The following FCHO2 variants were observed in gnomAD, a reference collection of about 807,000 sequenced individuals.
The protein encoded by FCHO2 is F-BAR domain only protein 2.
In FCHO2, 43 loss-of-function variants were observed where a neutral mutation model predicts 114.1. The observed-to-expected ratio is 0.38, with a 90% CI of 0.30 to 0.49. FCHO2 has a LOEUF of 0.49. Among genes scored for constraint, FCHO2 ranks in the 20% least tolerant of loss-of-function variants. The pLI, the probability that FCHO2 is intolerant of heterozygous loss-of-function variation, is 0.97. For missense variants in FCHO2, 807 were observed against 950.4 expected, an observed-to-expected ratio of 0.85 and a Z score of 1.98; for synonymous variants, 293 against 315.2, an observed-to-expected ratio of 0.93 and a Z score of 0.75.
intron 1 of FCHO2, among the ~76,000 whole-genome samples, chr5:72,963,577 C>T (rs1054891367): frequency 3.9e-5 from 6 of 151,924 alleles, no homozygotes; most frequent in Non-Finnish European, 8.8e-5. Flanking sequence ...GGGTCTTCCT[C>T]TGTCGCCCAG....
intron 19 of FCHO2, 134 bp from the exon 20 acceptor site, chr5:73,074,608 C>CG (rs1742823340): frequency 1.4e-6 from 1 of 735,484 alleles, no homozygotes; most frequent in Non-Finnish European, 2.2e-6. Context: ...TCTTAGCCCC[C>CG]AGATTTATCA....
At chr5:73,017,164 A>T (rs1224742233) in intron 7 of FCHO2, 48 bp from the exon 8 acceptor site, 1 of 1,090,490 alleles carries the variant, frequency 9.2e-7, no homozygotes, top group South Asian at 1.7e-5. Context: ...TCTGAAATAC[A>T]CTAAGAATGT....
chr5:72,978,249 G>A (rs776827146), intron 2 of FCHO2, among the ~76,000 whole-genome samples: 3 of 152,188 alleles, frequency 2.0e-5, no homozygotes, highest in Non-Finnish European at 4.4e-5. Context: ...AGCATGGAAT[G>A]TTTTTCCATT....
chr5:73,059,637 G>C, intron 17 of FCHO2, among the ~76,000 whole-genome samples: 1 of 152,160 alleles, frequency 6.6e-6, no homozygotes, highest in South Asian at 2.1e-4. Context: ...TGGATTATAA[G>C]AAACCTTAAC....
intron 2 of FCHO2, among the ~76,000 whole-genome samples, chr5:72,984,837 G>C (rs1753418799): frequency 6.6e-6 from 1 of 151,868 alleles, no homozygotes; most frequent in Admixed American, 6.6e-5. Context: ...GGGTTCACCA[G>C]GTTGCCCAGG....
intron 6 of FCHO2, 130 bp from the exon 7 acceptor site, chr5:73,015,496 C>T: frequency 2.0e-6 from 1 of 491,724 alleles, no homozygotes; most frequent in Non-Finnish European, 3.6e-6. Flanking sequence ...CTTCTGACCT[C>T]AAGTGATCCA....
intron 2 of FCHO2, among the ~76,000 whole-genome samples, chr5:72,984,329 T>C (rs566858175): frequency 8.0e-5 from 12 of 150,594 alleles, no homozygotes; most frequent in Non-Finnish European, 4.5e-5. Flanking sequence ...TGAGTGAGAT[T>C]GGCCTGAACA....
At chr5:73,070,801 T>C (rs1742607256) in intron 19 of FCHO2, among the ~76,000 whole-genome samples, 1 of 152,060 alleles carries the variant, frequency 6.6e-6, no homozygotes, top group African/African-American at 2.4e-5. Flanking sequence ...TTGCCATGAT[T>C]TTTCAACGCT....
At chr5:73,051,669 C>T (rs542677995) in intron 12 of FCHO2, among the ~76,000 whole-genome samples, 3 of 151,390 alleles carry the variant, frequency 2.0e-5, no homozygotes, top group South Asian at 2.1e-4. Context: ...CGGGTTTCAG[C>T]GATTCTTCTG....
At chr5:73,086,855 A>G (rs1166941241) in intron 24 of FCHO2, among the ~76,000 whole-genome samples, 2 of 152,070 alleles carry the variant, frequency 1.3e-5, no homozygotes, top group African/African-American at 4.8e-5. Flanking sequence ...TATAGATGCT[A>G]TTTCGTTAAA....
At chr5:72,977,437 T>G (rs1752951124) in intron 2 of FCHO2, among the ~76,000 whole-genome samples, 1 of 152,214 alleles carries the variant, frequency 6.6e-6, no homozygotes, top group Non-Finnish European at 1.5e-5. Context: ...TTGAGAAGTG[T>G]CTGTTCATAT....
At chr5:73,016,912 TTTG>T (rs941554520) in intron 7 of FCHO2, among the ~76,000 whole-genome samples, 7 of 151,944 alleles carry the variant, frequency 4.6e-5, no homozygotes, top group Non-Finnish European at 7.4e-5. Context: ...CAAAAGTATT[TTTG>T]TTGTCTGTAT....
chr5:73,004,106 C>G (rs1471697952), intron 5 of FCHO2, among the ~76,000 whole-genome samples: 2 of 149,394 alleles, frequency 1.3e-5, no homozygotes, highest in Non-Finnish European at 3.0e-5. Context: ...CGTTTGATTG[C>G]TCTTATACTC....
chr5:73,069,217 G>C (rs1742513106), intron 19 of FCHO2, among the ~76,000 whole-genome samples: 3 of 152,096 alleles, frequency 2.0e-5, no homozygotes, highest in African/African-American at 7.2e-5. Flanking sequence ...ATAGCTCTTA[G>C]GGAAGTGGTC....
chr5:73,065,792 A>T (rs1471604089), intron 18 of FCHO2, among the ~76,000 whole-genome samples: 1 of 152,010 alleles, frequency 6.6e-6, no homozygotes, highest in Non-Finnish European at 1.5e-5. Flanking sequence ...TCTTACATGT[A>T]TATATTGCAT....
At chr5:73,054,251 G>T in intron 14 of FCHO2, 80 bp downstream of exon 14, 1 of 1,256,358 alleles carries the variant, frequency 8.0e-7, no homozygotes, top group Non-Finnish European at 1.1e-6. Flanking sequence ...CAAAATATTT[G>T]TATTAAATTT....
At chr5:73,044,088 T>TA (rs1298048819) in intron 11 of FCHO2, among the ~76,000 whole-genome samples, 5 of 152,190 alleles carry the variant, frequency 3.3e-5, no homozygotes, top group Admixed American at 2.0e-4. Flanking sequence ...CTCTTCCTCT[T>TA]ACTCTGGCCA....
chr5:73,063,358 A>G (rs1240357051), intron 17 of FCHO2, among the ~76,000 whole-genome samples: 1 of 137,000 alleles, frequency 7.3e-6, no homozygotes, highest in East Asian at 2.5e-4. Flanking sequence ...TGTACCCCCC[A>G]AAATGTTACA....
At chr5:72,971,019 A>G (rs1477605407) in intron 2 of FCHO2, among the ~76,000 whole-genome samples, 1 of 152,166 alleles carries the variant, frequency 6.6e-6, no homozygotes, top group African/African-American at 2.4e-5. Flanking sequence ...GTCCCTACAA[A>G]GGACATGAAC....
Sources: gnomAD v4.1 joint callset for allele counts (sites outside exome capture counted in the v4.1 genomes callset) on GRCh38, gnomAD v4.1.1 for gene constraint, MANE v1.5 for transcripts, NCBI Gene and HGNC (gene_info 2026-07-23, HGNC 2026-07-21) for gene names.